The following NCALD variants were observed in gnomAD, a reference collection of about 807,000 sequenced individuals.
NCALD encodes the protein neurocalcin delta.
In NCALD, 10 loss-of-function variants were observed where a neutral mutation model predicts 18.6. The observed-to-expected ratio is 0.54, with a 90% CI of 0.33 to 0.91. The LOEUF is 0.91. Ranked by LOEUF, NCALD falls within the 40% of genes least tolerant of loss-of-function variation. NCALD has a pLI of 0.03. For missense variants in NCALD, 184 were observed against 247.6 expected (o/e 0.74, Z 1.72); for synonymous variants, 88 against 87.4 (o/e 1.01, Z -0.04).
chr8:102,013,663 TA>T (rs149782408), intron 2 of NCALD, among the ~76,000 whole-genome samples: 2,760 of 150,290 alleles, frequency 0.018, 24 homozygotes, highest in Non-Finnish European at 0.022. Flanking sequence ...CAAGATATGT[TA>T]AAAAAAAAAT....
At chr8:101,768,671 T>C (rs1490821997) in intron 1 of NCALD, among the ~76,000 whole-genome samples, 2 of 145,308 alleles carry the variant, frequency 1.4e-5, no homozygotes, top group African/African-American at 5.1e-5. Flanking sequence ...ATCGTGCAAC[T>C]GCACTCCAGG....
chr8:101,817,576 C>CAA (rs71268531), intron 4 of NCALD, among the ~76,000 whole-genome samples: 93,979 of 148,738 alleles, frequency 0.63, 31,457 homozygotes, highest in Non-Finnish European at 0.75. Flanking sequence ...AAGCAGCTAC[C>CAA]AAAAAAAAAA....
chr8:101,920,809 T>C (rs970088724), intron 2 of NCALD, among the ~76,000 whole-genome samples: 2 of 152,284 alleles, frequency 1.3e-5, no homozygotes, highest in South Asian at 2.1e-4. Flanking sequence ...GAATCACTGA[T>C]ACCCCGAACC....
chr8:101,916,745 TA>T (rs1226768662), intron 2 of NCALD, among the ~76,000 whole-genome samples: 1 of 151,790 alleles, frequency 6.6e-6, no homozygotes, highest in South Asian at 2.1e-4. Flanking sequence ...CCAATAACAG[TA>T]AAAAAGGACA....
chr8:101,692,728 T>TGGAATCTCCAGTCC, intron 3 of NCALD, 63 bp downstream of exon 3: 1 of 1,510,864 alleles, frequency 6.6e-7, no homozygotes, highest in Non-Finnish European at 9.2e-7. Context: ...CTTCCCAGTC[T>TGGAATCTCCAGTCC]GGACTCTCCA....
chr8:101,808,720 A>G (rs1025565369), intron 4 of NCALD, among the ~76,000 whole-genome samples: 1 of 152,010 alleles, frequency 6.6e-6, no homozygotes, highest in Non-Finnish European at 1.5e-5. Flanking sequence ...ACTGCTTGGG[A>G]CCATGAGTAT....
rs1056776061 is a variant in NCALD, at chr8:101,822,266, G to T, written c.-20+64875C>A. 2.6e-5 allele frequency among the ~76,000 whole-genome samples: 4 copies of T among 152,060 alleles called. No individual in the cohort carries two copies. In the East Asian group the frequency reaches 7.7e-4, roughly 29 times the overall value. ...TACTCAAAATTAAAAATATTTTGGG[G>T]AATGAAAAGAAAGCCAAGTGAACAT... On this transcript the variant is annotated intron_variant, in intron 4 of 6. Transcript: ENST00000311028.
chr8:102,073,359 T>C (rs1429365433), intron 1 of NCALD, among the ~76,000 whole-genome samples: 1 of 152,158 alleles, frequency 6.6e-6, no homozygotes. Context: ...TATAATTATA[T>C]AAAAGAAAGC....
intron 3 of NCALD, among the ~76,000 whole-genome samples, chr8:101,911,497 G>T (rs1817799595): frequency 6.6e-6 from 1 of 151,398 alleles, no homozygotes; most frequent in African/African-American, 2.4e-5. Flanking sequence ...ACCTGAGACT[G>T]CAGGCAGACA....
intron 2 of NCALD, among the ~76,000 whole-genome samples, chr8:101,966,203 A>G (rs1007406172): frequency 3.9e-5 from 6 of 152,114 alleles, no homozygotes; most frequent in Admixed American, 6.6e-5. Flanking sequence ...AGAGAAAGAG[A>G]AAAGTTACCC....
intron 1 of NCALD, among the ~76,000 whole-genome samples, chr8:102,030,804 A>C (rs1276934751): frequency 6.6e-6 from 1 of 152,152 alleles, no homozygotes; most frequent in Non-Finnish European, 1.5e-5. Context: ...TGAACCCACG[A>C]GGTGGAGGTT....
chr8:102,014,677 C>T (rs866457798), intron 2 of NCALD, among the ~76,000 whole-genome samples: 20 of 152,220 alleles, frequency 1.3e-4, no homozygotes, highest in Middle Eastern at 3.4e-3. Flanking sequence ...CATTTAAATG[C>T]CTTAATTCTG....
chr8:101,917,958 ACTC>A (rs1290976272), intron 2 of NCALD, among the ~76,000 whole-genome samples: 1 of 151,998 alleles, frequency 6.6e-6, no homozygotes, highest in Non-Finnish European at 1.5e-5. Context: ...AGGAGAAAGA[ACTC>A]CTCCCTAACT....
chr8:102,061,261 C>T (rs1823840067), intron 1 of NCALD, among the ~76,000 whole-genome samples: 1 of 152,162 alleles, frequency 6.6e-6, no homozygotes. Flanking sequence ...TAGGAGCCCC[C>T]CAGGGTGAAT....
intron 4 of NCALD, among the ~76,000 whole-genome samples, chr8:101,872,931 C>T (rs755782134): frequency 1.1e-4 from 16 of 152,232 alleles, no homozygotes; most frequent in Middle Eastern, 3.4e-3. Flanking sequence ...AGAGAGACTC[C>T]GAAAGTCCAA....
chr8:102,024,241 T>C (rs1822378826), intron 1 of NCALD, among the ~76,000 whole-genome samples: 1 of 152,220 alleles, frequency 6.6e-6, no homozygotes, highest in Non-Finnish European at 1.5e-5. Flanking sequence ...GTCAAATGTC[T>C]CTCAAACACA....
chr8:101,912,261 A>G (rs915444347), intron 3 of NCALD, among the ~76,000 whole-genome samples: 3 of 152,198 alleles, frequency 2.0e-5, no homozygotes, highest in African/African-American at 7.2e-5. Context: ...CATTAAAAAA[A>G]CTAAGCCTGA....
chr8:102,062,538 G>A lies in NCALD; in HGVS notation c.-209-42249C>T, dbSNP rs560093019. Among the ~76,000 whole-genome samples, 7 of 152,256 alleles carry A rather than the reference G, an allele frequency of 4.6e-5. No homozygotes were observed. The East Asian group carries it at 9.7e-4, about 21-fold the overall frequency. On this transcript the variant is annotated intron_variant, in intron 1 of 6. Coordinates refer to the NCALD transcript ENST00000311028. Reference sequence around the variant, plus strand: ...CCTGTGCTCACATGCTCCAGGGTGCGGCTACCTCATCAATCAGCCAGTTAT... The same window carrying A: ...CCTGTGCTCACATGCTCCAGGGTGCAGCTACCTCATCAATCAGCCAGTTAT...
chr8:102,024,283 T>A (rs543228972), intron 1 of NCALD, among the ~76,000 whole-genome samples: 1 of 152,370 alleles, frequency 6.6e-6, no homozygotes, highest in African/African-American at 2.4e-5. Context: ...TAATTCCGAA[T>A]AAAGCAATCT....
Sources: allele counts gnomAD v4.1 joint callset (sites outside exome capture counted in the v4.1 genomes callset), GRCh38; gene constraint gnomAD v4.1.1; transcripts MANE v1.5; gene names NCBI Gene and HGNC (gene_info 2026-07-23, HGNC 2026-07-21).